Variants in COL11A1 observed in about 807,000 individuals in gnomAD.
The protein encoded by COL11A1 is collagen alpha-1(XI) chain.
A neutral mutation model predicts 265.2 loss-of-function variants in COL11A1; 74 were observed. That is an observed-to-expected ratio of 0.28 (90% CI 0.23 to 0.34). The LOEUF (loss-of-function observed/expected upper bound fraction) is 0.34. COL11A1 is among the 10% of genes least tolerant of loss of function. The pLI, the probability that COL11A1 is intolerant of heterozygous loss-of-function variation, is 1.00. For missense variants in COL11A1, 2,165 were observed against 2,263.6 expected (o/e 0.96, Z 0.88); for synonymous variants, 816 against 727.6 (o/e 1.12, Z -1.96).
At chr1:102,989,673 A>T in intron 28 of COL11A1, 102 bp from the exon 29 acceptor site, 1 of 750,786 alleles carries the variant, frequency 1.3e-6, no homozygotes. Context: ...AGGGAAAATT[A>T]TTTTTGAGAA....
chr1:102,917,866 A>C (rs866368850), intron 49 of COL11A1, among the ~76,000 whole-genome samples: 8 of 151,706 alleles, frequency 5.3e-5, no homozygotes, highest in South Asian at 2.1e-4. Flanking sequence ...ACAAAGTTTC[A>C]TTTTTAGAAT....
At chr1:103,048,384 T>G (rs1037098332) in intron 4 of COL11A1, among the ~76,000 whole-genome samples, 5 of 152,248 alleles carry the variant, frequency 3.3e-5, no homozygotes, top group African/African-American at 9.6e-5. Context: ...TTCTAGTTTA[T>G]TTGCATAGAG....
At position 102,995,969 on chromosome 1, in the gene COL11A1, T is replaced by A; in HGVS notation, c.2295+20A>T. ...CATTTCACTTTGAAAGTAAATAATG[T>A]GAAAACAATTTAACGTTACCTTTAC... On this transcript the variant is annotated intron_variant, in intron 27 of 66. Coordinates refer to ENST00000370096, the MANE Select transcript of COL11A1 (RefSeq NM_001854.4). The A allele has an allele frequency of 3.1e-6, 5 of 1,613,298 alleles. No individual in the cohort carries two copies. The highest frequency in any genetic ancestry group is 4.2e-6 in the Non-Finnish European group (5 of 1,179,548).
At chr1:102,887,423 C>A (rs1308176985) in intron 62 of COL11A1, among the ~76,000 whole-genome samples, 1 of 151,858 alleles carries the variant, frequency 6.6e-6, no homozygotes, top group Non-Finnish European at 1.5e-5. Context: ...ATTAGAACAG[C>A]ACTTTAAAGC....
rs1016897235 is a variant in COL11A1 at position 103,062,310 on chromosome 1, A to G, written c.651+12308T>C. 2.0e-5 allele frequency among the ~76,000 whole-genome samples: 3 copies of G among 152,062 alleles called. No homozygotes were observed. In the South Asian group the frequency reaches 6.2e-4, roughly 32 times the overall value. On this transcript the variant is annotated intron_variant, in intron 4 of 66. Transcript: ENST00000370096. ...TTTTCAGAATATAGAAGCGAAAGGA[A>G]TATTACTAACTGATCTTATGAGGTC... is the stretch of plus-strand genomic sequence containing the variant.
At chr1:103,076,759 T>A (rs933612524) in intron 3 of COL11A1, among the ~76,000 whole-genome samples, 17 of 152,170 alleles carry the variant, frequency 1.1e-4, no homozygotes, top group African/African-American at 4.1e-4. Context: ...TTCAAAGAAC[T>A]ATCAGCACTT....
intron 9 of COL11A1, among the ~76,000 whole-genome samples, chr1:103,020,998 T>C (rs1304069219): frequency 6.9e-6 from 1 of 145,238 alleles, no homozygotes; most frequent in Non-Finnish European, 1.5e-5. Flanking sequence ...TTTTTATTCT[T>C]TATCATTTTT....
At chr1:103,073,745 AT>A (rs1195841398) in intron 4 of COL11A1, among the ~76,000 whole-genome samples, 1 of 151,988 alleles carries the variant, frequency 6.6e-6, no homozygotes, top group Admixed American at 6.6e-5. Context: ...GATGCTCTGA[AT>A]GAACATTGTT....
chr1:102,985,842 C>T lies in COL11A1; in HGVS notation c.2503-1651G>A, dbSNP rs570482810. 6.6e-5 allele frequency among the ~76,000 whole-genome samples: 10 copies of T among 152,240 alleles called. 1 individual carries two copies. The highest frequency in any genetic ancestry group is 4.1e-4 in the South Asian group (2 of 4,828). On this transcript the variant is annotated intron_variant, in intron 30 of 66. Transcript: ENST00000370096. ...AGCATTTTAAGGGAAAGGGTTTAAACGCCCCATAAGGCCTTGTTTTCCCCT... is the reference window on the plus strand; with the variant it reads ...AGCATTTTAAGGGAAAGGGTTTAAATGCCCCATAAGGCCTTGTTTTCCCCT...
At chr1:103,045,071 C>G (rs948689618) in intron 4 of COL11A1, among the ~76,000 whole-genome samples, 2 of 151,912 alleles carry the variant, frequency 1.3e-5, no homozygotes, top group Non-Finnish European at 1.5e-5. Flanking sequence ...CCCCATGGCA[C>G]AAGCAGCCCC....
In COL11A1 at chr1:102,984,143, G is replaced by A. The variant is rs1367668493; in HGVS notation, c.2551C>T (p.Pro851Ser). The A allele has an allele frequency of 3.8e-6, 6 of 1,599,056 alleles. No individual in the cohort carries two copies. The highest frequency in any genetic ancestry group is 4.5e-5 in the East Asian group (2 of 44,626). ...TAAATATCAAGCTGTTTTACCTTTG[G>A]ACCTTGTCTTCCTGGATATCCTGGT... ...GLPGYPGRQG[P>S]KGSTGFPGFP... The change falls in exon 31 of 67, where the codon CCA becomes TCA. Residue 851 changes from proline to serine, a missense_variant. Physicochemically the swap from Pro to Ser is moderately conservative, Grantham distance 74. Coordinates refer to ENST00000370096, the MANE Select transcript of COL11A1 (RefSeq NM_001854.4).
chr1:102,953,264 T>C (rs1176691456), intron 41 of COL11A1, among the ~76,000 whole-genome samples: 1 of 152,164 alleles, frequency 6.6e-6, no homozygotes, highest in Non-Finnish European at 1.5e-5. Flanking sequence ...TTTTTTTTTC[T>C]TTTTTCAATG....
At chr1:103,085,050 G>A (rs930588620) in intron 1 of COL11A1, among the ~76,000 whole-genome samples, 5 of 152,222 alleles carry the variant, frequency 3.3e-5, no homozygotes, top group Non-Finnish European at 1.5e-5. Flanking sequence ...TCATAGTAGT[G>A]CTGGGTTAAA....
At chr1:102,973,843 G>A (rs1662205373) in intron 36 of COL11A1, among the ~76,000 whole-genome samples, 1 of 152,140 alleles carries the variant, frequency 6.6e-6, no homozygotes, top group Non-Finnish European at 1.5e-5. Context: ...ATTGTAAAAA[G>A]TTAAGGATTG....
chr1:103,107,821 C>T (rs2102451479), intron 1 of COL11A1, among the ~76,000 whole-genome samples: 2 of 152,242 alleles, frequency 1.3e-5, no homozygotes, highest in South Asian at 4.1e-4. Context: ...GCATTTTCAG[C>T]AGGCTCTCCT....
intron 41 of COL11A1, 34 bp downstream of exon 41, chr1:102,961,832 T>C (rs1660937589): frequency 6.3e-7 from 1 of 1,595,268 alleles, no homozygotes; most frequent in African/African-American, 1.3e-5. Context: ...TTCACAACCA[T>C]GATTGTCTGG....
chr1:103,048,364 C>G (rs939995914), intron 4 of COL11A1, among the ~76,000 whole-genome samples: 2 of 152,162 alleles, frequency 1.3e-5, no homozygotes, highest in African/African-American at 4.8e-5. Flanking sequence ...TTATCCATTT[C>G]TTCTAGATTT....
chr1:103,000,614 T>G (rs1665016386), intron 24 of COL11A1, among the ~76,000 whole-genome samples: 1 of 151,730 alleles, frequency 6.6e-6, no homozygotes, highest in Non-Finnish European at 1.5e-5. Flanking sequence ...ATAACAAGCA[T>G]TAGTGAGAAT....
At chr1:103,049,428 C>T (rs1669598450) in intron 4 of COL11A1, among the ~76,000 whole-genome samples, 1 of 152,030 alleles carries the variant, frequency 6.6e-6, no homozygotes, top group African/African-American at 2.4e-5. Context: ...CAACCCCTGC[C>T]TTTTTCTGTT....
Sources: gnomAD v4.1 joint callset for allele counts (sites outside exome capture counted in the v4.1 genomes callset) on GRCh38, gnomAD v4.1.1 for gene constraint, MANE v1.5 for transcripts, NCBI Gene and HGNC (gene_info 2026-07-23, HGNC 2026-07-21) for gene names.